The following CACNA1D variants were observed in gnomAD, a reference collection of about 807,000 sequenced individuals.
CACNA1D encodes voltage-dependent L-type calcium channel subunit alpha-1D.
In CACNA1D, 55 loss-of-function variants were observed where a neutral mutation model predicts 257.1. That is an observed-to-expected ratio of 0.21 (90% CI 0.17 to 0.27). The LOEUF (loss-of-function observed/expected upper bound fraction) is 0.27, where lower values mean the gene tolerates loss of function less well. CACNA1D is among the 10% of genes least tolerant of loss of function. CACNA1D has a pLI of 1.00. For synonymous variants in CACNA1D, 980 were observed against 1,014.9 expected, an observed-to-expected ratio of 0.97 and a Z score of 0.65; for missense variants, 1,876 against 2,784.0, an observed-to-expected ratio of 0.67 and a Z score of 7.34.
At chr3:53,740,566 G>GT in intron 21 of CACNA1D, 2 of 467,234 alleles carry the variant, frequency 4.3e-6, no homozygotes, top group Non-Finnish European at 7.6e-6. Context: ...ATTTTTTATG[G>GT]GTTTTTTTTT....
intron 40 of CACNA1D, among the ~76,000 whole-genome samples, chr3:53,788,525 T>A (rs2095468099): frequency 1.3e-5 from 2 of 152,196 alleles, no homozygotes; most frequent in African/African-American, 4.8e-5. Flanking sequence ...TGCAGAGATA[T>A]GTTTGCAGAT....
At chr3:53,764,780 T>C (rs1425305770) in intron 30 of CACNA1D, among the ~76,000 whole-genome samples, 1 of 152,234 alleles carries the variant, frequency 6.6e-6, no homozygotes, top group Non-Finnish European at 1.5e-5. Flanking sequence ...AAGTTTCTAG[T>C]TAGCATTTGA....
chr3:53,682,372 A>AAAAAAAAAAAAAAAAAAAAAAAAAAAAAC (rs2094438594), intron 8 of CACNA1D, among the ~76,000 whole-genome samples: 1 of 85,278 alleles, frequency 1.2e-5, no homozygotes, highest in Non-Finnish European at 2.4e-5. Flanking sequence ...TGGTAAAAAA[A>AAAAAAAAAAAAAAAAAAAAAAAAAAAAAC]AAAAAAAAAA....
chr3:53,496,929 G>A (rs1234849024), intron 1 of CACNA1D, among the ~76,000 whole-genome samples: 1 of 152,158 alleles, frequency 6.6e-6, no homozygotes, highest in Non-Finnish European at 1.5e-5. Flanking sequence ...TGATGCAGCG[G>A]TGATCCTGTG....
At chr3:53,546,459 T>C (rs2092415493) in intron 3 of CACNA1D, among the ~76,000 whole-genome samples, 1 of 152,216 alleles carries the variant, frequency 6.6e-6, no homozygotes, top group Non-Finnish European at 1.5e-5. Context: ...TTCCGATTAA[T>C]CTGTGTCCTT....
intron 3 of CACNA1D, among the ~76,000 whole-genome samples, chr3:53,534,422 TCTCC>T (rs2092050503): frequency 6.6e-6 from 1 of 152,228 alleles, no homozygotes. Flanking sequence ...CTTCTCTTGG[TCTCC>T]CTCCACGTCC....
At chr3:53,648,682 T>A (rs1197052023) in intron 3 of CACNA1D, among the ~76,000 whole-genome samples, 1 of 151,226 alleles carries the variant, frequency 6.6e-6, no homozygotes, top group Non-Finnish European at 1.5e-5. Context: ...ATGAAGGGCA[T>A]GGGGGAAGAA....
At chr3:53,603,526 A>G (rs1339040648) in intron 3 of CACNA1D, among the ~76,000 whole-genome samples, 1 of 152,232 alleles carries the variant, frequency 6.6e-6, no homozygotes, top group Non-Finnish European at 1.5e-5. Context: ...TATAGATGGT[A>G]TTACACTGTG....
intron 42 of CACNA1D, 144 bp downstream of exon 42, chr3:53,801,569 G>A: frequency 9.4e-7 from 1 of 1,061,586 alleles, no homozygotes; most frequent in Non-Finnish European, 1.4e-6. Context: ...ATCTGTGAGT[G>A]CCCCCCAGGT....
chr3:53,764,100 C>T (rs563714909), intron 30 of CACNA1D, among the ~76,000 whole-genome samples: 2 of 152,268 alleles, frequency 1.3e-5, no homozygotes, highest in South Asian at 2.1e-4. Flanking sequence ...TTTTGCTAGA[C>T]CTAGGTATAC....
chr3:53,621,125 C>G (rs938214914), intron 3 of CACNA1D, among the ~76,000 whole-genome samples: 2 of 152,180 alleles, frequency 1.3e-5, no homozygotes, highest in Non-Finnish European at 1.5e-5. Flanking sequence ...CAGATGACAC[C>G]TATGAATGCA....
intron 3 of CACNA1D, among the ~76,000 whole-genome samples, chr3:53,540,006 G>T (rs72964384): frequency 0.014 from 2,166 of 150,244 alleles, 43 homozygotes; most frequent in African/African-American, 0.05. Context: ...TGATTGGTTG[G>T]GTGTGTTGCG....
At position 53,725,242 on chromosome 3, in the gene CACNA1D, CTT is replaced by C. The variant is rs2094923969; in HGVS notation, c.2100+1245_2100+1246del. On this transcript the variant is annotated intron_variant, in intron 14 of 47. Coordinates refer to ENST00000350061, the MANE Select transcript of CACNA1D (RefSeq NM_001128840.3). ...GCTGTTTTGCATCTTGCTTTTATCACTTTGAGTGTCCTCAAGAGCCTTCCTGC... is the reference window on the plus strand; with the variant it reads ...GCTGTTTTGCATCTTGCTTTTATCACTGAGTGTCCTCAAGAGCCTTCCTGC... Among the ~76,000 whole-genome samples the C allele has an allele frequency of 2.0e-5, 3 of 152,206 alleles. No individual in the cohort carries two copies. In the South Asian group the frequency reaches 6.2e-4, roughly 32 times the overall value.
At chr3:53,690,535 T>A (rs2094509784) in intron 8 of CACNA1D, among the ~76,000 whole-genome samples, 1 of 152,180 alleles carries the variant, frequency 6.6e-6, no homozygotes, top group Non-Finnish European at 1.5e-5. Context: ...GTCAGCCAAG[T>A]CTGGGTGCTC....
chr3:53,799,802 C>G (rs965558938), intron 40 of CACNA1D: 16 of 253,728 alleles, frequency 6.3e-5, no homozygotes, highest in Non-Finnish European at 1.2e-4. Context: ...CCTAGGCTTC[C>G]TCATCCTAGA....
chr3:53,620,656 A>T (rs1481751222), intron 3 of CACNA1D, among the ~76,000 whole-genome samples: 5 of 152,236 alleles, frequency 3.3e-5, no homozygotes, highest in Non-Finnish European at 7.3e-5. Context: ...TACTTTCATG[A>T]TGTGGGAACA....
rs1559504844 is a variant in CACNA1D, at chr3:53,679,269, T to TAAAAAA, written c.1220+6143_1220+6144insAAAAAA. On this transcript the variant is annotated intron_variant, in intron 8 of 47. Coordinates refer to ENST00000350061, the MANE Select transcript of CACNA1D (RefSeq NM_001128840.3). ...TGGGTGACAAGAGCAAAACTCCATCTCAAAAAAAAAAAAAAAAAAAAAAAA... is the reference window on the plus strand; with the variant it reads ...TGGGTGACAAGAGCAAAACTCCATCTAAAAAACAAAAAAAAAAAAAAAAAAAAAAAA... 1.7e-3 allele frequency: 11 copies of TAAAAAA among 6,370 alleles called. 2 individuals carry two copies. The highest frequency in any genetic ancestry group is 3.6e-3 in the African/African-American group (11 of 3,036). The allele number at this position is 6,370 out of a possible 1,614,324, so 0.4% of individuals were successfully genotyped here.
intron 3 of CACNA1D, among the ~76,000 whole-genome samples, chr3:53,541,975 G>A (rs1349486926): frequency 6.6e-6 from 1 of 152,220 alleles, no homozygotes; most frequent in Admixed American, 6.5e-5. Flanking sequence ...AGTAAGATCA[G>A]TGATTGTTTC....
At chr3:53,773,054 A>C (rs953764396) in intron 33 of CACNA1D, among the ~76,000 whole-genome samples, 156 bp downstream of exon 33, 1 of 152,262 alleles carries the variant, frequency 6.6e-6, no homozygotes, top group South Asian at 2.1e-4. Flanking sequence ...AAAGCTGCTT[A>C]GTAGAGAGCT....
Sources: gnomAD v4.1 joint callset for allele counts (sites outside exome capture counted in the v4.1 genomes callset) on GRCh38, gnomAD v4.1.1 for gene constraint, MANE v1.5 for transcripts, NCBI Gene and HGNC (gene_info 2026-07-23, HGNC 2026-07-21) for gene names.